The following PUM2 variants were observed in gnomAD, a reference collection of about 807,000 sequenced individuals.
PUM2 encodes pumilio homolog 2.
Under a neutral mutation model 124.5 loss-of-function variants are expected in PUM2, and 57 were observed. The observed-to-expected ratio is 0.46, with a 90% CI of 0.37 to 0.57. The LOEUF is 0.57. PUM2 is among the 20% of genes least tolerant of loss of function. PUM2 has a pLI of 0.00. For synonymous variants in PUM2, 460 were observed against 446.1 expected, an observed-to-expected ratio of 1.03 and a Z score of -0.39; for missense variants, 1,065 against 1,290.6, an observed-to-expected ratio of 0.83 and a Z score of 2.68.
In PUM2 at chr2:20,251,715, A is replaced by C; in HGVS notation, c.3065T>G (p.Ile1022Ser). Residue 1022 changes from isoleucine to serine, a missense_variant and splice_region_variant, in exon 21 of 21, where the codon ATT becomes AGT. Around this residue, in one of 3 missense-constraint regions of PUM2, gnomAD observed 968 missense variants for 1,159.8 expected, o/e 0.83. Transcript: ENST00000361078. ...GCGCAAAGTAGTAATGTGAGGTCGA[A>C]TCTGAAAAACAAATAATCTGCTTAG... Reference protein sequence around the residue: ...PAQRKIIMHKIRPHITTLRKY... With the variant: ...PAQRKIIMHKSRPHITTLRKY... 6.2e-7 allele frequency: 1 copy of C among 1,611,436 alleles called. No homozygotes were observed. The highest frequency in any genetic ancestry group is 8.5e-7 in the Non-Finnish European group (1 of 1,178,880).
At chr2:20,319,024 C>G (rs1681675618) in intron 2 of PUM2, among the ~76,000 whole-genome samples, 1 of 152,206 alleles carries the variant, frequency 6.6e-6, no homozygotes, top group South Asian at 2.1e-4. Context: ...CCCTAGACCA[C>G]CTCCTATCAT....
At chr2:20,269,367 A>AT (rs745706636) in intron 13 of PUM2, among the ~76,000 whole-genome samples, 2 of 151,174 alleles carry the variant, frequency 1.3e-5, no homozygotes, top group South Asian at 2.1e-4. Context: ...CGCCCGGCTA[A>AT]TTTTTTTTTA....
chr2:20,312,170 A>C (rs1679752782), intron 4 of PUM2, 66 bp downstream of exon 4: 3 of 1,391,970 alleles, frequency 2.2e-6, no homozygotes, highest in Non-Finnish European at 9.7e-7. Flanking sequence ...TGAATTAAAA[A>C]TAAAAGTAAC....
In PUM2 at chr2:20,311,806, T is replaced by C. The variant is rs1459359419; in HGVS notation, c.349-143A>G. The C allele has an allele frequency of 6.3e-6, 6 of 957,900 alleles. 1 individual carries two copies. The highest frequency in any genetic ancestry group is 6.2e-4 in the Middle Eastern group (2 of 3,212). 59.3% of individuals were successfully genotyped at this position (957,900 alleles called of 1,614,324 possible). ...TTTAATTTCGTAGTCAATTAATTTA[T>C]CAAAGGCCAAAAAATTGCGTACAAA... On this transcript the variant is annotated intron_variant, in intron 4 of 20. Transcript: ENST00000361078.
chr2:20,279,165 C>G (rs1359764041), intron 12 of PUM2, among the ~76,000 whole-genome samples: 3 of 152,056 alleles, frequency 2.0e-5, no homozygotes, highest in Non-Finnish European at 4.4e-5. Flanking sequence ...AGATTAAATT[C>G]CATTAAGTTT....
chr2:20,336,757 TG>T (rs1686173666), intron 1 of PUM2, among the ~76,000 whole-genome samples: 15 of 20,784 alleles, frequency 7.2e-4, no homozygotes, highest in Admixed American at 7.1e-3. Context: ...TCTGTGTGTG[TG>T]TGTGTGTGTG....
chr2:20,272,237 A>T (rs1669225201), intron 13 of PUM2, among the ~76,000 whole-genome samples: 1 of 151,996 alleles, frequency 6.6e-6, no homozygotes, highest in Non-Finnish European at 1.5e-5. Context: ...GCAGTACAAC[A>T]TCTGGAAGAA....
intron 7 of PUM2, among the ~76,000 whole-genome samples, chr2:20,300,483 A>G (rs1275638963): frequency 6.6e-6 from 1 of 152,206 alleles, no homozygotes; most frequent in African/African-American, 2.4e-5. Flanking sequence ...TGGCCAAGGA[A>G]GAAGTCCATT....
intron 13 of PUM2, among the ~76,000 whole-genome samples, chr2:20,270,934 C>T (rs1324112701): frequency 6.6e-6 from 1 of 151,680 alleles, no homozygotes; most frequent in African/African-American, 2.4e-5. Flanking sequence ...TTCAAAAAAC[C>T]CATAAAGGAA....
chr2:20,264,570 T>A (rs1221956174), intron 13 of PUM2, among the ~76,000 whole-genome samples: 1 of 151,596 alleles, frequency 6.6e-6, no homozygotes, highest in Non-Finnish European at 1.5e-5. Context: ...AGGAAATTTT[T>A]AAAATTACAA....
intron 1 of PUM2, among the ~76,000 whole-genome samples, chr2:20,344,213 G>T (rs903268887): frequency 6.6e-6 from 1 of 152,036 alleles, no homozygotes; most frequent in Non-Finnish European, 1.5e-5. Flanking sequence ...GACTACAGAC[G>T]CGAGCCACCA....
intron 10 of PUM2, among the ~76,000 whole-genome samples, chr2:20,286,188 A>G (rs10182228): frequency 0.035 from 5,275 of 152,288 alleles, 89 homozygotes; most frequent in Middle Eastern, 0.068. Context: ...ATGTAGAGAG[A>G]GGACTCCATA....
At chr2:20,349,615 AAAC>A (rs769511899) in intron 1 of PUM2, among the ~76,000 whole-genome samples, 1 of 152,138 alleles carries the variant, frequency 6.6e-6, no homozygotes, top group Non-Finnish European at 1.5e-5. Context: ...TCTAACCATT[AAAC>A]AAGCTTTTAA....
intron 1 of PUM2, among the ~76,000 whole-genome samples, chr2:20,330,141 G>A (rs973184826): frequency 6.6e-6 from 1 of 152,152 alleles, no homozygotes; most frequent in Non-Finnish European, 1.5e-5. Context: ...TGCTAACTTG[G>A]ACCAGAAATA....
At chr2:20,264,539 GAAATAA>G (rs1368750960) in intron 13 of PUM2, among the ~76,000 whole-genome samples, 2 of 150,864 alleles carry the variant, frequency 1.3e-5, no homozygotes, top group African/African-American at 4.9e-5. Flanking sequence ...GCAGTCAATA[GAAATAA>G]AAATAAATAC....
chr2:20,264,367 A>AATATATATACAT (rs1667118872), intron 13 of PUM2, among the ~76,000 whole-genome samples: 3 of 26,610 alleles, frequency 1.1e-4, no homozygotes, highest in African/African-American at 3.5e-4. Flanking sequence ...AAAAAAAAAA[A>AATATATATACAT]ATATATATAT....
intron 13 of PUM2, among the ~76,000 whole-genome samples, chr2:20,274,659 T>A (rs995428627): frequency 6.6e-6 from 1 of 151,944 alleles, no homozygotes; most frequent in Admixed American, 6.6e-5. Context: ...TAGCACCCTT[T>A]TTGTTAAGAA....
intron 1 of PUM2, among the ~76,000 whole-genome samples, chr2:20,330,755 A>G (rs750740502): frequency 1.7e-4 from 26 of 152,226 alleles, no homozygotes; most frequent in Admixed American, 9.8e-4. Flanking sequence ...GGAACACCTG[A>G]TTTACAGCTG....
chr2:20,276,095 A>G (rs917376064), intron 13 of PUM2, among the ~76,000 whole-genome samples: 1 of 152,064 alleles, frequency 6.6e-6, no homozygotes. Context: ...TATTAGAATA[A>G]GCAACAGAGC....
Sources: gnomAD v4.1 joint callset for allele counts (sites outside exome capture counted in the v4.1 genomes callset) on GRCh38, gnomAD v4.1.1 for gene constraint, gnomAD v4.1.1 regional missense constraint, MANE v1.5 for transcripts, NCBI Gene and HGNC (gene_info 2026-07-23, HGNC 2026-07-21) for gene names.